Variants in LINGO2 observed in about 807,000 individuals in gnomAD.
LINGO2 encodes the protein leucine-rich repeat and immunoglobulin-like domain-containing nogo receptor-interacting protein 2.
A neutral mutation model predicts 30.6 loss-of-function variants in LINGO2; 14 were observed. The observed-to-expected ratio is 0.46, with a 90% confidence interval of 0.30 to 0.72. LINGO2 has a LOEUF of 0.72. Ranked by LOEUF, LINGO2 falls within the 30% of genes least tolerant of loss-of-function variation. The pLI is 0.07. For missense variants in LINGO2, 729 were observed against 751.7 expected, an observed-to-expected ratio of 0.97 and a Z score of 0.35; for synonymous variants, 317 against 288.5, an observed-to-expected ratio of 1.10 and a Z score of -1.00.
At chr9:28,053,689 CTCA>C (rs1236715314) in intron 4 of LINGO2, among the ~76,000 whole-genome samples, 2 of 151,998 alleles carry the variant, frequency 1.3e-5, no homozygotes, top group African/African-American at 4.8e-5. Flanking sequence ...ATGTCGAGGC[CTCA>C]TCATGAAATC....
intron 4 of LINGO2, among the ~76,000 whole-genome samples, chr9:28,020,985 C>T (rs1003836259): frequency 6.6e-5 from 10 of 151,972 alleles, no homozygotes; most frequent in African/African-American, 2.4e-4. Flanking sequence ...TTCAAAGAAC[C>T]AGCTTTTGGT....
the LINGO2 span, among the ~76,000 whole-genome samples, chr9:28,994,150 G>T: frequency 6.6e-6 from 1 of 152,046 alleles, no homozygotes; most frequent in East Asian, 1.9e-4. Context: ...TCCTTAAGCT[G>T]ATAAGCAACT....
chr9:28,251,784 A>G (rs1435368731), intron 4 of LINGO2, among the ~76,000 whole-genome samples: 1 of 152,274 alleles, frequency 6.6e-6, no homozygotes, highest in Non-Finnish European at 1.5e-5. Flanking sequence ...GTGAAAAAAA[A>G]CTATTACATA....
chr9:28,582,524 C>G (rs993556094), intron 1 of LINGO2, among the ~76,000 whole-genome samples: 8 of 152,184 alleles, frequency 5.3e-5, no homozygotes, highest in African/African-American at 1.9e-4. Context: ...TGCTTCTACA[C>G]AAGAGCTGAT....
chr9:28,968,252 GA>G, the LINGO2 span, among the ~76,000 whole-genome samples: 1 of 152,090 alleles, frequency 6.6e-6, no homozygotes, highest in Non-Finnish European at 1.5e-5. Context: ...TTTTGCTCTA[GA>G]AATTGATTAT....
the LINGO2 span, among the ~76,000 whole-genome samples, chr9:28,946,213 G>A: frequency 6.6e-6 from 1 of 152,096 alleles, no homozygotes; most frequent in Non-Finnish European, 1.5e-5. Flanking sequence ...TTAGTAACTT[G>A]ATCACTACTT....
intron 4 of LINGO2, among the ~76,000 whole-genome samples, chr9:28,240,017 A>G (rs372256289): frequency 1.1e-4 from 16 of 152,196 alleles, no homozygotes; most frequent in Non-Finnish European, 2.2e-4. Flanking sequence ...TAAATTAAAA[A>G]GTAATTCCAT....
chr9:28,294,519 A>G (rs536585079), intron 4 of LINGO2, among the ~76,000 whole-genome samples: 1 of 152,148 alleles, frequency 6.6e-6, no homozygotes, highest in African/African-American at 2.4e-5. Context: ...TATTTAATTT[A>G]TGTTGTAGGG....
chr9:28,461,820 AT>A (rs1453095234), intron 2 of LINGO2, among the ~76,000 whole-genome samples: 1 of 152,308 alleles, frequency 6.6e-6, no homozygotes, highest in Non-Finnish European at 1.5e-5. Context: ...AAGAAAAGTA[AT>A]TGTTGTGCAG....
chr9:28,606,545 A>T (rs111510362), intron 1 of LINGO2, among the ~76,000 whole-genome samples: 1 of 152,142 alleles, frequency 6.6e-6, no homozygotes, highest in South Asian at 2.1e-4. Flanking sequence ...ATACAGACTG[A>T]GGGAAATTCT....
At chr9:28,544,390 A>T (rs1206802846) in intron 1 of LINGO2, among the ~76,000 whole-genome samples, 1 of 152,064 alleles carries the variant, frequency 6.6e-6, no homozygotes, top group Non-Finnish European at 1.5e-5. Flanking sequence ...ACTTTCACTT[A>T]GTTGGTGCTG....
the LINGO2 span, among the ~76,000 whole-genome samples, chr9:29,006,572 G>A: frequency 6.6e-6 from 1 of 151,992 alleles, no homozygotes; most frequent in South Asian, 2.1e-4. Context: ...TGGATATATG[G>A]TTCAGGGATG....
intron 4 of LINGO2, among the ~76,000 whole-genome samples, chr9:28,111,569 G>A (rs1033505871): frequency 6.6e-6 from 1 of 152,090 alleles, no homozygotes. Flanking sequence ...CCAAGTGAAT[G>A]TGGCTAGTTC....
chr9:28,736,456 T>C, the LINGO2 span, among the ~76,000 whole-genome samples: 1 of 152,188 alleles, frequency 6.6e-6, no homozygotes, highest in Non-Finnish European at 1.5e-5. Flanking sequence ...GACTTCTTCA[T>C]TTATAAACTG....
At chr9:28,684,780 A>T in the LINGO2 span, among the ~76,000 whole-genome samples, 1 of 152,044 alleles carries the variant, frequency 6.6e-6, no homozygotes, top group Non-Finnish European at 1.5e-5. Context: ...CAGCCTCCCA[A>T]AGTGCTGGGA....
At chr9:28,086,661 G>GAA (rs5897270) in intron 4 of LINGO2, among the ~76,000 whole-genome samples, 2 of 150,752 alleles carry the variant, frequency 1.3e-5, no homozygotes, top group Non-Finnish European at 3.0e-5. Context: ...AATTTTTAAA[G>GAA]AAAAAAAAAC....
At chr9:29,048,554 T>C in the LINGO2 span, among the ~76,000 whole-genome samples, 1 of 152,072 alleles carries the variant, frequency 6.6e-6, no homozygotes, top group Non-Finnish European at 1.5e-5. Context: ...GGAATCATAA[T>C]ACCTGGCTTC....
the LINGO2 span, among the ~76,000 whole-genome samples, chr9:28,964,459 G>A: frequency 1.3e-5 from 2 of 151,910 alleles, no homozygotes; most frequent in Non-Finnish European, 2.9e-5. Flanking sequence ...GATATACATG[G>A]AAACCTCAAA....
At chr9:28,653,855 A>C (rs1279841157) in intron 1 of LINGO2, among the ~76,000 whole-genome samples, 1 of 152,130 alleles carries the variant, frequency 6.6e-6, no homozygotes, top group Non-Finnish European at 1.5e-5. Context: ...ACTCTTTGTT[A>C]AAGATTACAG....
Sources: allele counts gnomAD v4.1 joint callset (sites outside exome capture counted in the v4.1 genomes callset), GRCh38; gene constraint gnomAD v4.1.1; transcripts MANE v1.5; gene names NCBI Gene and HGNC (gene_info 2026-07-23, HGNC 2026-07-21).